The following LONP2 variants were observed in gnomAD, a reference collection of about 807,000 sequenced individuals.
LONP2 encodes the protein lon protease homolog 2, peroxisomal.
In LONP2, 60 loss-of-function variants were observed where a neutral mutation model predicts 85.6. The ratio of observed to expected loss-of-function variants is 0.70; its 90% CI spans 0.57 to 0.87. The LOEUF (loss-of-function observed/expected upper bound fraction) is 0.87, where lower values mean the gene tolerates loss of function less well. Among genes scored for constraint, LONP2 ranks in the 40% least tolerant of loss-of-function variants. The pLI is 0.00. For synonymous variants in LONP2, 395 were observed against 389.7 expected, an observed-to-expected ratio of 1.01 and a Z score of -0.16; for missense variants, 860 against 1,063.5, an observed-to-expected ratio of 0.81 and a Z score of 2.66.
In LONP2 at chr16:48,352,225, A is replaced by C. The variant is rs146337481; in HGVS notation, c.*423A>C. On this transcript the variant is annotated 3_prime_UTR_variant, in exon 15 of 15. Transcript: ENST00000285737. ...GTAATTCTGCTGCACACTCAAGTTC[A>C]GGAACCACCGGTATAGACCATTACC... 151 of 191,342 alleles carry C rather than the reference A, an allele frequency of 7.9e-4. No homozygotes were observed. Among genetic ancestry groups the C allele is most frequent in the African/African-American group, 3.2e-3 (138 of 42,794 alleles). 11.9% of individuals were successfully genotyped at this position (191,342 alleles called of 1,614,324 possible).
rs118114724 is a variant in LONP2, at chr16:48,303,416, A to G, written c.1795+111A>G. On this transcript the variant is annotated intron_variant, in intron 11 of 14. Transcript: ENST00000285737. Reference sequence around the variant, plus strand: ...GGTAGTCCTTGGAGCAGTGGCACACATGACTCCACTGTTAAATGCATCCAG... The same window carrying G: ...GGTAGTCCTTGGAGCAGTGGCACACGTGACTCCACTGTTAAATGCATCCAG... 1.0e-4 allele frequency: 122 copies of G among 1,200,056 alleles called. No individual in the cohort carries two copies. In the East Asian group the frequency reaches 2.6e-3, roughly 25 times the overall value. 74.3% of individuals were successfully genotyped at this position (1,200,056 alleles called of 1,614,324 possible).
At chr16:48,284,893 A>G (rs1032641279) in intron 8 of LONP2, among the ~76,000 whole-genome samples, 1 of 152,208 alleles carries the variant, frequency 6.6e-6, no homozygotes, top group Non-Finnish European at 1.5e-5. Context: ...TTTAAATCAG[A>G]TAAGAAAAAG....
chr16:48,273,868 TA>T (rs1292225791), intron 7 of LONP2, among the ~76,000 whole-genome samples: 4 of 152,154 alleles, frequency 2.6e-5, no homozygotes, highest in Admixed American at 2.6e-4. Flanking sequence ...AAAATTATAT[TA>T]TTGCAAGAAA....
chr16:48,244,506 C>G lies in LONP2; in HGVS notation c.118C>G (p.Gln40Glu). The G allele has an allele frequency of 6.3e-7, 1 of 1,595,262 alleles. No homozygotes were observed. The change falls in exon 1 of 15, where the codon CAG (glutamine) becomes GAG (glutamate). Residue 40 changes from glutamine (Q) to glutamate (E), a missense_variant. Transcript: ENST00000285737. The stretch of plus-strand genomic sequence containing the variant: ...CAGCGTGGACTCGGCCCGCAACCTG[C>G]AGCTGGTGCGGAGCCGCCTTCTGAA... ...RTSVDSARNL[Q>E]LVRSRLLKGT...
chr16:48,346,206 G>C (rs1362026278), intron 12 of LONP2: 2 of 152,184 alleles, frequency 1.3e-5, no homozygotes, highest in African/African-American at 4.8e-5. Context: ...GTATAGTGCT[G>C]TTCCTTAGTG....
intron 11 of LONP2, among the ~76,000 whole-genome samples, chr16:48,320,728 T>C (rs2151015140): frequency 6.6e-6 from 1 of 152,278 alleles, no homozygotes; most frequent in Middle Eastern, 3.4e-3. Flanking sequence ...ACATTTACAC[T>C]GATTTACTGA....
rs542615365 is a variant in LONP2 at position 48,354,510 on chromosome 16, A to G, written c.*2708A>G. 22 of 152,332 alleles carry G rather than the reference A, an allele frequency of 1.4e-4. No individual in the cohort carries two copies. The highest frequency in any genetic ancestry group is 1.2e-3 in the Admixed American group (19 of 15,298). The allele number at this position is 152,332 out of a possible 1,614,324, so 9.4% of individuals were successfully genotyped here. On this transcript the variant is annotated 3_prime_UTR_variant, in exon 15 of 15. Transcript: ENST00000285737. ...AGGCGTGAGCCACCACACCCGGCTT[A>G]CATGCATTTTTTATCACCACAAACT...
intron 1 of LONP2, among the ~76,000 whole-genome samples, chr16:48,249,820 A>G (rs1971584346): frequency 6.6e-6 from 1 of 152,244 alleles, no homozygotes; most frequent in Non-Finnish European, 1.5e-5. Context: ...TTTTGTAGGC[A>G]TAGTATAAAT....
intron 11 of LONP2, among the ~76,000 whole-genome samples, chr16:48,322,884 A>G (rs1014652101): frequency 9.9e-5 from 15 of 152,232 alleles, no homozygotes; most frequent in African/African-American, 3.4e-4. Context: ...GCATCACCAC[A>G]AAGATTTGGG....
intron 3 of LONP2, among the ~76,000 whole-genome samples, chr16:48,257,183 C>T (rs369906799): frequency 2.6e-5 from 4 of 151,942 alleles, no homozygotes; most frequent in Admixed American, 6.6e-5. Context: ...TGGTGGTGCG[C>T]GCCTATAATC....
intron 9 of LONP2, 72 bp from the exon 10 acceptor site, chr16:48,299,590 A>C (rs1972757778): frequency 6.5e-7 from 1 of 1,538,880 alleles, no homozygotes. Flanking sequence ...TCTAAAAAAA[A>C]AAACAAAAAA....
chr16:48,270,365 T>G, intron 7 of LONP2, 91 bp downstream of exon 7: 2 of 1,397,888 alleles, frequency 1.4e-6, no homozygotes, highest in South Asian at 2.7e-5. Flanking sequence ...ATACATCTAT[T>G]TTCCTTAAAG....
At chr16:48,322,832 G>A (rs1973295355) in intron 11 of LONP2, among the ~76,000 whole-genome samples, 1 of 152,166 alleles carries the variant, frequency 6.6e-6, no homozygotes, top group Admixed American at 6.6e-5. Context: ...TACGTGCTGT[G>A]CATTTATACA....
chr16:48,323,357 A>C (rs976054751), intron 11 of LONP2, among the ~76,000 whole-genome samples: 1 of 152,184 alleles, frequency 6.6e-6, no homozygotes, highest in African/African-American at 2.4e-5. Flanking sequence ...GATAATTGCC[A>C]CTAAAATTGA....
At chr16:48,349,213 CACA>C (rs979666399) in intron 14 of LONP2, among the ~76,000 whole-genome samples, 19 of 150,954 alleles carry the variant, frequency 1.3e-4, no homozygotes, top group Middle Eastern at 3.2e-3. Flanking sequence ...AATTTTAGTC[CACA>C]ACAAGATTTT....
chr16:48,290,463 C>T (rs1028625876), intron 8 of LONP2, among the ~76,000 whole-genome samples: 4 of 152,132 alleles, frequency 2.6e-5, no homozygotes, highest in African/African-American at 9.7e-5. Flanking sequence ...AAGACTGCCT[C>T]CCCCTTCAGA....
intron 11 of LONP2, among the ~76,000 whole-genome samples, chr16:48,319,512 AATT>A (rs1159848506): frequency 6.6e-6 from 1 of 152,182 alleles, no homozygotes; most frequent in Non-Finnish European, 1.5e-5. Flanking sequence ...TTTAATATAA[AATT>A]AATATAGTTT....
At chr16:48,247,208 C>T (rs1397241514) in intron 1 of LONP2, 1 of 150,000 alleles carries the variant, frequency 6.7e-6, no homozygotes. Flanking sequence ...GCCTTTAAAA[C>T]ACTCTACTTA....
chr16:48,334,219 G>A lies in LONP2; in HGVS notation c.1799G>A (p.Cys600Tyr). 1.9e-6 allele frequency: 3 copies of A among 1,612,590 alleles called. No homozygotes were observed. The highest frequency in any genetic ancestry group is 1.1e-5 in the South Asian group (1 of 90,860). The change falls in exon 12 of 15, where the codon TGC (cysteine) becomes TAC (tyrosine). Residue 600 changes from cysteine to tyrosine, a missense_variant. Cys to Tyr is a radical substitution (Grantham distance 194). This residue lies in a region of LONP2 where 743 missense variants were observed against 917.3 expected (regional missense o/e 0.81). Transcript: ENST00000285737. ...DRSDVTEREG[C>Y]REHILEDEKP... ...AATACATTTTTTTTTCTTTTAGGTT[G>A]CAGAGAACACATCTTAGAAGATGAA...
Sources: allele counts gnomAD v4.1 joint callset (sites outside exome capture counted in the v4.1 genomes callset), GRCh38; gene constraint gnomAD v4.1.1; regional missense constraint gnomAD v4.1.1; transcripts MANE v1.5; gene names NCBI Gene and HGNC (gene_info 2026-07-23, HGNC 2026-07-21).